The following TASP1 variants were observed in gnomAD, a reference collection of about 807,000 sequenced individuals.
The protein encoded by TASP1 is taspase 1.
A neutral mutation model predicts 56.6 loss-of-function variants in TASP1; 16 were observed. The observed-to-expected ratio is 0.28, with a 90% CI of 0.19 to 0.43. TASP1 has a LOEUF of 0.43. Among genes scored for constraint, TASP1 ranks in the 20% least tolerant of loss-of-function variants. TASP1 has a pLI of 1.00. For synonymous variants in TASP1, 179 were observed against 184.2 expected (o/e 0.97, Z 0.23); for missense variants, 393 against 511.6 (o/e 0.77, Z 2.24).
At chr20:13,607,403 A>G (rs532827997) in intron 4 of TASP1, among the ~76,000 whole-genome samples, 1 of 152,358 alleles carries the variant, frequency 6.6e-6, no homozygotes, top group South Asian at 2.1e-4. Flanking sequence ...TGCTGAAGGC[A>G]TAAAATAATA....
At chr20:13,326,960 C>G in the TASP1 span, among the ~76,000 whole-genome samples, 1 of 152,198 alleles carries the variant, frequency 6.6e-6, no homozygotes, top group Middle Eastern at 3.4e-3. Flanking sequence ...AAGTTCTGGC[C>G]AGGACAATCA....
the TASP1 span, among the ~76,000 whole-genome samples, chr20:13,182,726 C>T: frequency 6.6e-6 from 1 of 152,186 alleles, no homozygotes; most frequent in East Asian, 1.9e-4. Context: ...GCACCAAGAA[C>T]AGTCCCTAAC....
chr20:13,223,188 A>AAAATAAAATAAAATAAAAT, the TASP1 span, among the ~76,000 whole-genome samples: 1 of 147,184 alleles, frequency 6.8e-6, no homozygotes, highest in African/African-American at 2.6e-5. Context: ...AAAATAAAAT[A>AAAATAAAATAAAATAAAAT]AAATAAATAA....
At chr20:13,442,005 G>A (rs915180318) in intron 11 of TASP1, among the ~76,000 whole-genome samples, 7 of 152,046 alleles carry the variant, frequency 4.6e-5, no homozygotes, top group East Asian at 1.9e-4. Context: ...TTAGTCTGGC[G>A]TAGCCTTTCT....
At chr20:13,184,916 T>G in the TASP1 span, among the ~76,000 whole-genome samples, 1 of 152,110 alleles carries the variant, frequency 6.6e-6, no homozygotes, top group Non-Finnish European at 1.5e-5. Context: ...AGCTACTGAG[T>G]TACCATACCA....
intron 11 of TASP1, among the ~76,000 whole-genome samples, chr20:13,443,009 GGCTGT>G (rs2043278051): frequency 6.6e-6 from 1 of 152,130 alleles, no homozygotes; most frequent in Admixed American, 6.6e-5. Flanking sequence ...CATCTTTGAA[GGCTGT>G]TGTGAGGACT....
chr20:13,271,834 G>A, the TASP1 span, among the ~76,000 whole-genome samples: 5 of 149,346 alleles, frequency 3.3e-5, no homozygotes, highest in Admixed American at 1.3e-4. Flanking sequence ...GAATACAATG[G>A]CACGATCATA....
the TASP1 span, among the ~76,000 whole-genome samples, chr20:13,212,595 C>T: frequency 6.6e-6 from 1 of 152,148 alleles, no homozygotes; most frequent in African/African-American, 2.4e-5. Flanking sequence ...AATTATTTGG[C>T]TTTCATGGCC....
chr20:13,550,637 G>T (rs574038737), intron 8 of TASP1, among the ~76,000 whole-genome samples: 1 of 152,096 alleles, frequency 6.6e-6, no homozygotes, highest in Non-Finnish European at 1.5e-5. Context: ...TCAACTTCTT[G>T]AGCAATATGA....
chr20:13,394,582 A>G (rs529641258), intron 13 of TASP1, among the ~76,000 whole-genome samples: 1 of 151,992 alleles, frequency 6.6e-6, no homozygotes, highest in Admixed American at 6.6e-5. Flanking sequence ...ACTGCATTCC[A>G]GCCTGGGCGA....
chr20:13,153,121 T>G, the TASP1 span, among the ~76,000 whole-genome samples: 1 of 152,210 alleles, frequency 6.6e-6, no homozygotes, highest in Admixed American at 6.5e-5. Context: ...ACTTCAATGT[T>G]TAATCCTATT....
intron 11 of TASP1, among the ~76,000 whole-genome samples, chr20:13,455,809 T>C (rs1382061962): frequency 2.6e-5 from 4 of 152,304 alleles, no homozygotes; most frequent in Admixed American, 2.6e-4. Flanking sequence ...CTTCTTAAAA[T>C]GAGTTATCCA....
At chr20:13,316,458 C>T in the TASP1 span, among the ~76,000 whole-genome samples, 18,335 of 151,774 alleles carry the variant, frequency 0.12, 1,236 homozygotes, top group Admixed American at 0.18. Context: ...CAGCATTATC[C>T]TATTACCAAA....
chr20:13,257,329 A>T, the TASP1 span, among the ~76,000 whole-genome samples: 1 of 152,198 alleles, frequency 6.6e-6, no homozygotes, highest in Non-Finnish European at 1.5e-5. Flanking sequence ...AGCCTGGCCA[A>T]CATGGTGAAA....
chr20:13,376,620 C>T, the TASP1 span, among the ~76,000 whole-genome samples: 41 of 152,172 alleles, frequency 2.7e-4, 1 homozygote, highest in Non-Finnish European at 1.8e-4. Context: ...TGAATAAAGT[C>T]AATGGTAGCT....
chr20:13,371,755 T>A, the TASP1 span, among the ~76,000 whole-genome samples: 1 of 152,166 alleles, frequency 6.6e-6, no homozygotes, highest in African/African-American at 2.4e-5. Flanking sequence ...TATTTAAGTA[T>A]CTGAATATTA....
intron 1 of TASP1, among the ~76,000 whole-genome samples, chr20:13,634,688 C>G (rs949400914): frequency 6.7e-6 from 1 of 149,914 alleles, no homozygotes; most frequent in African/African-American, 2.5e-5. Flanking sequence ...CAAGATTGCG[C>G]CACTGCACCT....
At chr20:13,446,586 C>T (rs2043419866) in intron 11 of TASP1, among the ~76,000 whole-genome samples, 1 of 152,040 alleles carries the variant, frequency 6.6e-6, no homozygotes, top group Admixed American at 6.6e-5. Flanking sequence ...TCAAGAGTTC[C>T]TTGTAGGCAA....
the TASP1 span, chr20:13,244,442 G>A: frequency 5.3e-5 from 8 of 150,834 alleles, no homozygotes; most frequent in South Asian, 2.1e-4. Flanking sequence ...TCACTTATTC[G>A]GACATTACAT....
Sources: allele counts gnomAD v4.1 joint callset (sites outside exome capture counted in the v4.1 genomes callset), GRCh38; gene constraint gnomAD v4.1.1; transcripts MANE v1.5; gene names NCBI Gene and HGNC (gene_info 2026-07-23, HGNC 2026-07-21).